Variants in FAM107B observed in about 807,000 individuals in gnomAD.
The protein encoded by FAM107B is family with sequence similarity 107 member B, also known as protein FAM107B.
FAM107B carries 21 observed loss-of-function variants against 31.5 expected under a neutral mutation model. That is an observed-to-expected ratio of 0.67 (90% CI 0.47 to 0.96). FAM107B has a LOEUF of 0.96. Ranked by LOEUF, FAM107B falls within the 40% of genes least tolerant of loss-of-function variation. The pLI is 0.00. For synonymous variants in FAM107B, 157 were observed against 141.5 expected (o/e 1.11, Z -0.78); for missense variants, 452 against 377.1 (o/e 1.20, Z -1.64).
chr10:14,721,690 GT>G (rs1363140731), intron 1 of FAM107B, among the ~76,000 whole-genome samples: 1 of 152,164 alleles, frequency 6.6e-6, no homozygotes, highest in Non-Finnish European at 1.5e-5. Flanking sequence ...TTTTGTTGGG[GT>G]TGTTTGGTTT....
intron 1 of FAM107B, among the ~76,000 whole-genome samples, chr10:14,729,190 G>T (rs915493069): frequency 6.6e-6 from 1 of 151,970 alleles, no homozygotes; most frequent in Non-Finnish European, 1.5e-5. Context: ...GTAGAGATGA[G>T]ATTTCAGTTT....
Position 14,768,960 on chromosome 10 carries a change from T to G in FAM107B, c.411+5293A>C, listed in dbSNP as rs575552192. Among the ~76,000 whole-genome samples the G allele has an allele frequency of 1.5e-4, 23 of 152,284 alleles. 1 individual carries two copies. The highest frequency in any genetic ancestry group is 9.8e-4 in the Admixed American group (15 of 15,292). ...GATGCTCCAACCTTCCTGACTCTAA[T>G]CCATCCTACACCTACCCATGACTTT... On this transcript the variant is annotated intron_variant, in intron 1 of 4. Transcript: ENST00000181796.
At chr10:14,730,732 T>C (rs919114134) in intron 1 of FAM107B, among the ~76,000 whole-genome samples, 1 of 152,176 alleles carries the variant, frequency 6.6e-6, no homozygotes, top group Non-Finnish European at 1.5e-5. Context: ...GGCGAGAAAT[T>C]ATGCGACTTA....
rs12416547 is a variant in FAM107B at position 14,751,760 on chromosome 10, T to C, written c.411+22493A>G. 5.5e-3 allele frequency among the ~76,000 whole-genome samples: 834 copies of C among 152,166 alleles called. 33 individuals are homozygous for C. Among genetic ancestry groups the C allele is most frequent in the Admixed American group, 0.05 (762 of 15,294 alleles). On this transcript the variant is annotated intron_variant, in intron 1 of 4. Coordinates refer to ENST00000181796, the MANE Select transcript of FAM107B (RefSeq NM_031453.4). ...ACACAGCTGCTTCTAGAGTTGACTC[T>C]GTGTTCCGCAAGAGCTGCAGGGCCA...
intron 2 of FAM107B, among the ~76,000 whole-genome samples, chr10:14,591,143 C>G (rs558376209): frequency 6.6e-6 from 1 of 152,122 alleles, no homozygotes; most frequent in Admixed American, 6.5e-5. Flanking sequence ...TGTCTCCTTA[C>G]AAGTCAGAAA....
At chr10:14,752,981 T>C (rs1229561558) in intron 1 of FAM107B, among the ~76,000 whole-genome samples, 2 of 152,030 alleles carry the variant, frequency 1.3e-5, no homozygotes, top group African/African-American at 4.8e-5. Context: ...AATAGCACAT[T>C]GTATAAGAGA....
intron 2 of FAM107B, among the ~76,000 whole-genome samples, chr10:14,606,232 G>A (rs7922400): frequency 1.2e-3 from 179 of 152,122 alleles, no homozygotes; most frequent in African/African-American, 4.0e-3. Flanking sequence ...GCTCTTCCAC[G>A]GGCTTCCCCT....
intron 2 of FAM107B, among the ~76,000 whole-genome samples, chr10:14,531,453 A>T (rs1846986330): frequency 6.6e-6 from 1 of 151,204 alleles, no homozygotes; most frequent in African/African-American, 2.4e-5. Flanking sequence ...CCAAGAGTTG[A>T]GAGGCTGCAG....
chr10:14,560,757 C>T (rs1850171805), intron 2 of FAM107B, among the ~76,000 whole-genome samples: 1 of 152,218 alleles, frequency 6.6e-6, no homozygotes, highest in African/African-American at 2.4e-5. Flanking sequence ...AGAACTTAAT[C>T]AGGGTGGCTC....
At chr10:14,706,736 CTT>C (rs1223989658) in intron 1 of FAM107B, among the ~76,000 whole-genome samples, 1 of 152,224 alleles carries the variant, frequency 6.6e-6, no homozygotes, top group Non-Finnish European at 1.5e-5. Flanking sequence ...TGGAGACTAT[CTT>C]TTCCTGGTTT....
Position 14,602,999 on chromosome 10 carries a change from C to G in FAM107B, c.469+64635G>C, listed in dbSNP as rs1029283706. On this transcript the variant is annotated intron_variant, in intron 2 of 4. Coordinates refer to ENST00000181796, the MANE Select transcript of FAM107B (RefSeq NM_031453.4). Reference sequence around the variant, plus strand: ...CTCATTTACCACCCCACCCTCTTTCCCACACACACACACACACACACACAC... The same window carrying G: ...CTCATTTACCACCCCACCCTCTTTCGCACACACACACACACACACACACAC... 1,154 of 146,974 alleles carry G rather than the reference C, an allele frequency of 7.9e-3. 7 individuals are homozygous for G. The highest frequency in any genetic ancestry group is 0.012 in the Non-Finnish European group (829 of 66,524). The allele number at this position is 146,974 out of a possible 1,614,324, so 9.1% of individuals were successfully genotyped here.
intron 1 of FAM107B, among the ~76,000 whole-genome samples, chr10:14,754,413 A>G (rs1832888915): frequency 6.6e-6 from 1 of 152,178 alleles, no homozygotes; most frequent in Admixed American, 6.5e-5. Flanking sequence ...TGACTAATCC[A>G]AGCAGAGTGG....
chr10:14,755,180 C>T (rs1029810489), intron 1 of FAM107B, among the ~76,000 whole-genome samples: 11 of 152,112 alleles, frequency 7.2e-5, no homozygotes, highest in African/African-American at 2.7e-4. Context: ...TAACACCAAC[C>T]ATGGTCTAAA....
At position 14,646,739 on chromosome 10, in the gene FAM107B, C is replaced by T. The variant is rs574079591; in HGVS notation, c.469+20895G>A. Among the ~76,000 whole-genome samples, 5 of 150,998 alleles carry T rather than the reference C, an allele frequency of 3.3e-5. No homozygotes were observed. The South Asian group carries it at 6.3e-4, about 19-fold the overall frequency. ...ATCTACTCTTAGTTCCTTGAGAGCT[C>T]GCCATACTGTTTTCCATTGAGGTTG... On this transcript the variant is annotated intron_variant, in intron 2 of 4. Coordinates refer to ENST00000181796, the MANE Select transcript of FAM107B (RefSeq NM_031453.4).
chr10:14,576,325 G>A (rs1164924847), intron 2 of FAM107B, among the ~76,000 whole-genome samples: 1 of 152,152 alleles, frequency 6.6e-6, no homozygotes, highest in Non-Finnish European at 1.5e-5. Flanking sequence ...TCAGGAGTTC[G>A]AGACCAGCCT....
intron 2 of FAM107B, among the ~76,000 whole-genome samples, chr10:14,630,820 C>T (rs1853335497): frequency 6.6e-6 from 1 of 151,892 alleles, no homozygotes; most frequent in Admixed American, 6.6e-5. Flanking sequence ...CACTGCACTC[C>T]AGCTGGGTGA....
At chr10:14,620,852 T>A (rs1252723396) in intron 2 of FAM107B, among the ~76,000 whole-genome samples, 1 of 152,252 alleles carries the variant, frequency 6.6e-6, no homozygotes, top group Non-Finnish European at 1.5e-5. Flanking sequence ...ATTTAGGTCT[T>A]GTTCGATTTC....
At chr10:14,524,609 G>A (rs1846032029) in intron 3 of FAM107B, among the ~76,000 whole-genome samples, 1 of 152,094 alleles carries the variant, frequency 6.6e-6, no homozygotes, top group Non-Finnish European at 1.5e-5. Flanking sequence ...TCAAAATAAA[G>A]GTGTTATTAA....
chr10:14,728,622 C>T (rs1315852548), intron 1 of FAM107B, among the ~76,000 whole-genome samples: 2 of 152,112 alleles, frequency 1.3e-5, no homozygotes, highest in African/African-American at 4.8e-5. Context: ...TATTGTTTCC[C>T]TCTTACCGCA....
Sources: gnomAD v4.1 joint callset for allele counts (sites outside exome capture counted in the v4.1 genomes callset) on GRCh38, gnomAD v4.1.1 for gene constraint, MANE v1.5 for transcripts, NCBI Gene and HGNC (gene_info 2026-07-23, HGNC 2026-07-21) for gene names.